Variants in MICAL1 observed in about 807,000 individuals in gnomAD.
MICAL1 encodes microtubule associated monooxygenase, calponin and LIM domain containing 1, also known as [F-actin]-monooxygenase MICAL1.
In MICAL1, 95 loss-of-function variants were observed where a neutral mutation model predicts 131.8. That is an observed-to-expected ratio of 0.72 (90% CI 0.61 to 0.86). The LOEUF is 0.86. Among genes scored for constraint, MICAL1 ranks in the 40% least tolerant of loss-of-function variants. MICAL1 has a pLI of 0.00. For missense variants in MICAL1, 1,292 were observed against 1,380.6 expected (o/e 0.94, Z 1.02); for synonymous variants, 546 against 554.2 (o/e 0.99, Z 0.21).
Position 109,454,018 on chromosome 6 carries a change from G to T in MICAL1, c.179C>A (p.Ala60Asp). ...KIKDQLNYWS[A>D]KSLWTKLDKR... ...GTCCAGCTTGGTCCACAGTGACTTGGCGCTCCAGTAGTTGAGCTGGTCCTT... is the reference window on the plus strand; with the variant it reads ...GTCCAGCTTGGTCCACAGTGACTTGTCGCTCCAGTAGTTGAGCTGGTCCTT... Residue 60 changes from alanine to aspartate, a missense_variant, in exon 2 of 25, where the codon GCC becomes GAC. Transcript: ENST00000358807. 1 of 1,614,166 alleles carries T rather than the reference G, an allele frequency of 6.2e-7. No individual in the cohort carries two copies. Among genetic ancestry groups the T allele is most frequent in the Non-Finnish European group, 8.5e-7 (1 of 1,180,048 alleles).
intron 6 of MICAL1, 155 bp from the exon 7 acceptor site, chr6:109,451,855 A>C (rs1775556785): frequency 1.4e-6 from 2 of 1,425,262 alleles, no homozygotes; most frequent in Non-Finnish European, 1.8e-6. Context: ...GATGACACAA[A>C]CAACCATCTG....
rs373919749 is a variant in MICAL1 at position 109,452,330 on chromosome 6, C to T, written c.748G>A (p.Val250Met). The T allele has an allele frequency of 6.0e-5, 97 of 1,614,078 alleles. No homozygotes were observed. The Middle Eastern group carries it at 9.9e-4, about 16-fold the overall frequency. ...ITANFVNGRTVEETQVPEISG... is the reference protein window; with the variant it reads ...ITANFVNGRTMEETQVPEISG... ...ATCTCCGGCACCTGTGTCTCCTCCA[C>T]GGTGCGTCCATTCACAAAGTTGGCT... The change falls in exon 6 of 25, where the codon GTG becomes ATG. Residue 250 changes from valine (V) to methionine (M), a missense_variant. Coordinates refer to ENST00000358807, the MANE Select transcript of MICAL1 (RefSeq NM_022765.4).
intron 13 of MICAL1, 71 bp downstream of exon 13, chr6:109,448,132 G>A: frequency 1.6e-6 from 2 of 1,247,030 alleles, no homozygotes; most frequent in East Asian, 2.6e-5. Flanking sequence ...TTCTCCCTCT[G>A]TCACACACAC....
In MICAL1 at chr6:109,445,756, C is replaced by G; in HGVS notation, c.2673+15G>C. The stretch of plus-strand genomic sequence containing the variant: ...GGCTGGAGAGCGTTTTGTGGCTGCA[C>G]GCTGGCCCACTCACCTGTTCCACAT... On this transcript the variant is annotated intron_variant, in intron 20 of 24. Transcript: ENST00000358807. 2 of 1,605,150 alleles carry G rather than the reference C, an allele frequency of 1.2e-6. No homozygotes were observed. The highest frequency in any genetic ancestry group is 1.7e-6 in the Non-Finnish European group (2 of 1,175,802).
At chr6:109,458,296 TAA>T (rs147897529), upstream of MICAL1, among the ~76,000 whole-genome samples, 2 of 152,294 alleles carry the variant, frequency 1.3e-5, no homozygotes, top group South Asian at 2.1e-4. Context: ...GAAGTCAGTT[TAA>T]AGAGTCCCAT....
At chr6:109,447,303 G>C in intron 16 of MICAL1, 54 bp downstream of exon 16, 7 of 1,613,826 alleles carry the variant, frequency 4.3e-6, no homozygotes, top group Non-Finnish European at 5.9e-6. Context: ...CCCATGAAAC[G>C]CCCCTGCCCT....
rs1435766853 is a variant in MICAL1 at position 109,449,996 on chromosome 6, A to G, written c.1281T>C (p.Ala427=). The change falls in exon 9 of 25, where the codon GCT becomes GCC. Residue 427 remains alanine (A), a synonymous_variant. Coordinates refer to ENST00000358807, the MANE Select transcript of MICAL1 (RefSeq NM_022765.4). ...GCTCAGCCAACACCTCTAGGGACTC[A>G]GCGCCCTCTGCCCACCGCTTCACCA... is the stretch of plus-strand genomic sequence containing the variant. ...AWMVKRWAEG[A]ESLEVLAERE... 5.6e-6 allele frequency: 9 copies of G among 1,613,942 alleles called. No individual in the cohort carries two copies. The highest frequency in any genetic ancestry group is 6.8e-6 in the Non-Finnish European group (8 of 1,179,932).
In MICAL1 at chr6:109,445,192, C is replaced by T. The variant is rs1775153904; in HGVS notation, c.2881+5G>A. On this transcript the variant is annotated splice_donor_5th_base_variant and intron_variant, in intron 22 of 24. Coordinates refer to ENST00000358807, the MANE Select transcript of MICAL1 (RefSeq NM_022765.4). ...GGCAGAGGGGTGTCCTAGCTTGTCA[C>T]TCACTGCTCTGGCGCCTCAAGGCCA... 6.2e-7 allele frequency: 1 copy of T among 1,612,822 alleles called. No homozygotes were observed. Among genetic ancestry groups the T allele is most frequent in the African/African-American group, 1.3e-5 (1 of 74,904 alleles).
chr6:109,448,037 C>T, intron 13 of MICAL1, 74 bp from the exon 14 acceptor site: 3 of 1,490,480 alleles, frequency 2.0e-6, no homozygotes, highest in Non-Finnish European at 2.7e-6. Context: ...CAGTCACTCT[C>T]CAACCCAGAA....
Position 109,454,007 on chromosome 6 carries a change from A to G in MICAL1, c.190T>C (p.Trp64Arg). 6.2e-7 allele frequency: 1 copy of G among 1,614,150 alleles called. No homozygotes were observed. The highest frequency in any genetic ancestry group is 8.5e-7 in the Non-Finnish European group (1 of 1,180,038). ...CCTGCTCGCTTGTCCAGCTTGGTCC[A>G]CAGTGACTTGGCGCTCCAGTAGTTG... ...QLNYWSAKSL[W>R]TKLDKRAGQP... is the part of the protein sequence containing the mutation. The change falls in exon 2 of 25, where the codon TGG (tryptophan) becomes CGG (arginine). Residue 64 changes from tryptophan to arginine, a missense_variant. Coordinates refer to ENST00000358807, the MANE Select transcript of MICAL1 (RefSeq NM_022765.4).
At chr6:109,445,314 C>G in intron 21 of MICAL1, 24 bp from the exon 22 acceptor site, 1 of 1,613,866 alleles carries the variant, frequency 6.2e-7, no homozygotes, top group Non-Finnish European at 8.5e-7. Context: ...GACAGAATAT[C>G]CAGGAGTCTC....
In MICAL1 at chr6:109,444,886, T is replaced by A; in HGVS notation, c.2981+10A>T. Reference sequence around the variant, plus strand: ...CCCATGGGCCACTGTCACCATCCCCTTCCCCTTACGTGATCATGAGCTCGG... The same window carrying A: ...CCCATGGGCCACTGTCACCATCCCCATCCCCTTACGTGATCATGAGCTCGG... On this transcript the variant is annotated intron_variant, in intron 23 of 24. Transcript: ENST00000358807. 1 of 1,614,130 alleles carries A rather than the reference T, an allele frequency of 6.2e-7. No homozygotes were observed. The highest frequency in any genetic ancestry group is 8.5e-7 in the Non-Finnish European group (1 of 1,179,974).
chr6:109,451,609 C>A lies in MICAL1; in HGVS notation c.924G>T (p.Val308=). 6.2e-7 allele frequency: 1 copy of A among 1,613,902 alleles called. No individual in the cohort carries two copies. The highest frequency in any genetic ancestry group is 1.1e-5 in the South Asian group (1 of 91,082). ...AKKQCLLRLG[V]LRQDWPDTNR... Reference sequence around the variant, plus strand: ...CAGGACTGGGCCTCACCTGGCGCAGCACCCCCAGCCGCAGCAGGCACTGCT... The same window carrying A: ...CAGGACTGGGCCTCACCTGGCGCAGAACCCCCAGCCGCAGCAGGCACTGCT... Residue 308 remains valine (V), a synonymous_variant, in exon 7 of 25, where the codon GTG becomes GTT. Coordinates refer to ENST00000358807, the MANE Select transcript of MICAL1 (RefSeq NM_022765.4).
Position 109,450,025 on chromosome 6 carries a change from A to G in MICAL1, c.1252T>C (p.Trp418Arg). 1 of 1,614,036 alleles carries G rather than the reference A, an allele frequency of 6.2e-7. No individual in the cohort carries two copies. ...RGFLAAFDAAWMVKRWAEGAE... is the reference protein window; with the variant it reads ...RGFLAAFDAARMVKRWAEGAE... ...CCCTCTGCCCACCGCTTCACCATCCAGGCTGCATCAAAGGCTGCCAGGAAG... is the reference window on the plus strand; with the variant it reads ...CCCTCTGCCCACCGCTTCACCATCCGGGCTGCATCAAAGGCTGCCAGGAAG... The change falls in exon 9 of 25, where the codon TGG (tryptophan) becomes CGG (arginine). Residue 418 changes from tryptophan to arginine, a missense_variant. By Grantham distance (101) the Trp-to-Arg change is moderately radical. Coordinates refer to ENST00000358807, the MANE Select transcript of MICAL1 (RefSeq NM_022765.4).
At chr6:109,455,877 A>T (rs1008543216), upstream of MICAL1, 4 of 985,086 alleles carry the variant, frequency 4.1e-6, no homozygotes, top group African/African-American at 3.5e-5. The surrounding 1 kb of genome is among the most constrained non-coding windows in gnomAD (Gnocchi z 4.7). Context: ...AGTCGCGCGG[A>T]GTGTGGGCTT....
At position 109,450,564 on chromosome 6, in the gene MICAL1, G is replaced by GGTCA; in HGVS notation, c.934-11_934-8dup. On this transcript the variant is annotated splice_polypyrimidine_tract_variant and splice_region_variant and intron_variant, in intron 7 of 24. Coordinates refer to ENST00000358807, the MANE Select transcript of MICAL1 (RefSeq NM_022765.4). ...GATTGGTGTCTGGCCAGTCCTGTAT[G>GGTCA]GTCAACAGAGCAGAACCTCAGAGAC... The GGTCA allele has an allele frequency of 6.3e-7, 1 of 1,595,918 alleles. No homozygotes were observed. The highest frequency in any genetic ancestry group is 2.3e-5 in the East Asian group (1 of 44,308).
rs903184271 is a variant in MICAL1 at position 109,447,495 on chromosome 6, G to A, written c.1987-55C>T. On this transcript the variant is annotated intron_variant, in intron 15 of 24. Coordinates refer to ENST00000358807, the MANE Select transcript of MICAL1 (RefSeq NM_022765.4). ...GTAGAGGGGCAGGGCCAGCTGGGAG[G>A]GGATGCGTACAGATGAACACAAGGG... The A allele has an allele frequency of 2.6e-6, 4 of 1,568,052 alleles. No homozygotes were observed. In the African/African-American group the frequency reaches 4.1e-5, roughly 16 times the overall value.
At chr6:109,452,078 G>A in intron 6 of MICAL1, 168 bp downstream of exon 6, 1 of 1,428,330 alleles carries the variant, frequency 7.0e-7, no homozygotes, top group Non-Finnish European at 9.1e-7. Flanking sequence ...AACTAGGGCT[G>A]TGCTTGCTTA....
chr6:109,457,414 A>C (rs1775779867), upstream of MICAL1, among the ~76,000 whole-genome samples: 1 of 152,162 alleles, frequency 6.6e-6, no homozygotes, highest in Non-Finnish European at 1.5e-5. Context: ...GGGTTGATTC[A>C]AAATGATGCG....
Sources: gnomAD v4.1 joint callset for allele counts (sites outside exome capture counted in the v4.1 genomes callset) on GRCh38, gnomAD v4.1.1 for gene constraint, Gnocchi (gnomAD v3.1) non-coding constraint, MANE v1.5 for transcripts, NCBI Gene and HGNC (gene_info 2026-07-23, HGNC 2026-07-21) for gene names.